CPEB3: variants seen among roughly 807,000 people sequenced by gnomAD.
CPEB3 encodes the protein cytoplasmic polyadenylation element-binding protein 3.
In CPEB3, 20 loss-of-function variants were observed where a neutral mutation model predicts 67.2. That is an observed-to-expected ratio of 0.30 (90% CI 0.21 to 0.43). The LOEUF is 0.43. Ranked by LOEUF, CPEB3 falls within the 20% of genes least tolerant of loss-of-function variation. The pLI is 1.00. For missense variants in CPEB3, 746 were observed against 968.6 expected (o/e 0.77, Z 3.05); for synonymous variants, 376 against 393.1 (o/e 0.96, Z 0.51).
At chr10:92,145,652 G>C (rs1221915596) in intron 4 of CPEB3, among the ~76,000 whole-genome samples, 1 of 144,010 alleles carries the variant, frequency 6.9e-6, no homozygotes, top group African/African-American at 2.6e-5. Context: ...AAAAAAAAAA[G>C]CATCAAAATT....
At chr10:92,267,773 T>C (rs1314377527) in intron 1 of CPEB3, among the ~76,000 whole-genome samples, 6 of 152,168 alleles carry the variant, frequency 3.9e-5, no homozygotes, top group African/African-American at 1.4e-4. Flanking sequence ...ATGGAAGGAT[T>C]CTTGAAATTT....
chr10:92,142,923 G>A (rs909854310), intron 6 of CPEB3, 106 bp downstream of exon 6: 22 of 699,202 alleles, frequency 3.1e-5, no homozygotes, highest in Non-Finnish European at 5.2e-5. Context: ...TCCTAATTGG[G>A]GGAAAAAATT....
intron 6 of CPEB3, among the ~76,000 whole-genome samples, chr10:92,123,516 C>T (rs1845483928): frequency 6.6e-6 from 1 of 152,310 alleles, no homozygotes; most frequent in African/African-American, 2.4e-5. Context: ...GATAAGTAAA[C>T]TGAGGCTTAA....
At chr10:92,078,095 A>C (rs1009455663) in intron 9 of CPEB3, among the ~76,000 whole-genome samples, 2 of 152,156 alleles carry the variant, frequency 1.3e-5, no homozygotes, top group Admixed American at 6.5e-5. Context: ...TCTCTCTTCC[A>C]GGCTTCTCAC....
chr10:92,099,757 G>A (rs541320185), intron 7 of CPEB3, among the ~76,000 whole-genome samples: 25 of 151,784 alleles, frequency 1.6e-4, no homozygotes, highest in African/African-American at 5.1e-4. Context: ...CCAGCTTCTC[G>A]GGAGGCTGAG....
chr10:92,179,970 A>G (rs750929704), intron 4 of CPEB3, among the ~76,000 whole-genome samples: 4 of 152,238 alleles, frequency 2.6e-5, no homozygotes, highest in Non-Finnish European at 5.9e-5. Context: ...GTCAGCTTGT[A>G]TATCTGGGAA....
intron 4 of CPEB3, among the ~76,000 whole-genome samples, chr10:92,165,428 T>G (rs531132792): frequency 9.2e-6 from 1 of 108,792 alleles, no homozygotes; most frequent in Non-Finnish European, 1.8e-5. Context: ...TTTTGGCTGG[T>G]GGAAGGTCTT....
intron 2 of CPEB3, among the ~76,000 whole-genome samples, chr10:92,234,038 G>A (rs1851403257): frequency 6.6e-6 from 1 of 150,612 alleles, no homozygotes; most frequent in Admixed American, 6.6e-5. Flanking sequence ...ACCCAGAGAT[G>A]GAGGTTGCAG....
rs1841861368 is a variant in CPEB3 at position 92,050,423 on chromosome 10, T to A, written c.*1789A>T. 6.6e-6 allele frequency: 1 copy of A among 152,650 alleles called. No homozygotes were observed. 9.5% of individuals were successfully genotyped at this position (152,650 alleles called of 1,614,324 possible). On this transcript the variant is annotated 3_prime_UTR_variant, in exon 10 of 10. Coordinates refer to ENST00000265997, the MANE Select transcript of CPEB3 (RefSeq NM_014912.5). ...CACAGAAAACACAGCGACTTAAATC[T>A]ATTCTGCAGTGTCATATCCAGTCAG...
chr10:92,283,634 T>C (rs1007530847), intron 1 of CPEB3, among the ~76,000 whole-genome samples: 1 of 152,060 alleles, frequency 6.6e-6, no homozygotes, highest in Non-Finnish European at 1.5e-5. Context: ...CCAGGGCAGT[T>C]CTCTGACTCA....
chr10:92,080,740 T>C lies in CPEB3; in HGVS notation c.1869+580A>G, dbSNP rs142375983. 5.3e-3 allele frequency among the ~76,000 whole-genome samples: 809 copies of C among 152,096 alleles called. 7 individuals carry two copies. Among genetic ancestry groups the C allele is most frequent in the African/African-American group, 0.019 (770 of 41,500 alleles). ...TCCTGAGTAGCTGGGACTACAGGTGTCTGCCACTACTCCCAGCTAATTTTT... is the reference window on the plus strand; with the variant it reads ...TCCTGAGTAGCTGGGACTACAGGTGCCTGCCACTACTCCCAGCTAATTTTT... On this transcript the variant is annotated intron_variant, in intron 9 of 9. Coordinates refer to ENST00000265997, the MANE Select transcript of CPEB3 (RefSeq NM_014912.5).
chr10:92,083,499 T>G (rs855714), intron 8 of CPEB3, among the ~76,000 whole-genome samples: 1,982 of 152,154 alleles, frequency 0.013, 45 homozygotes, highest in African/African-American at 0.046. Context: ...TTTGAGAATC[T>G]CCTCATACGG....
intron 9 of CPEB3, among the ~76,000 whole-genome samples, chr10:92,061,419 C>CAA (rs148327302): frequency 0.035 from 3,282 of 92,550 alleles, 78 homozygotes; most frequent in Non-Finnish European, 0.053. Context: ...AATTCTGTCT[C>CAA]AAAAAAAAAA....
intron 6 of CPEB3, among the ~76,000 whole-genome samples, chr10:92,117,947 A>G (rs1845126104): frequency 6.6e-6 from 1 of 152,184 alleles, no homozygotes; most frequent in African/African-American, 2.4e-5. Flanking sequence ...TGAAGCTTGG[A>G]GAGGTTAAGG....
intron 4 of CPEB3, among the ~76,000 whole-genome samples, chr10:92,168,052 G>A (rs891422136): frequency 3.3e-5 from 5 of 152,316 alleles, no homozygotes; most frequent in South Asian, 4.1e-4. Context: ...AGCATATGCT[G>A]TTAGAAAAAC....
At chr10:92,153,540 C>A (rs1847062119) in intron 4 of CPEB3, among the ~76,000 whole-genome samples, 1 of 152,070 alleles carries the variant, frequency 6.6e-6, no homozygotes, top group African/African-American at 2.4e-5. Flanking sequence ...AATCCCAGCA[C>A]TTTGGGAGGC....
chr10:92,170,992 A>G (rs944722249), intron 4 of CPEB3, among the ~76,000 whole-genome samples: 22 of 152,190 alleles, frequency 1.4e-4, no homozygotes, highest in African/African-American at 5.1e-4. Context: ...CCCAAATAAC[A>G]TAAGGAATAA....
chr10:92,100,856 G>A (rs1844152011), intron 7 of CPEB3, among the ~76,000 whole-genome samples: 1 of 152,182 alleles, frequency 6.6e-6, no homozygotes, highest in African/African-American at 2.4e-5. Context: ...TTCCCAAAGT[G>A]CTGGGATTAC....
At chr10:92,201,472 G>C (rs1849521224) in intron 2 of CPEB3, among the ~76,000 whole-genome samples, 1 of 152,206 alleles carries the variant, frequency 6.6e-6, no homozygotes, top group Admixed American at 6.5e-5. Flanking sequence ...ACGCTACAGT[G>C]AGTCAAGGTG....
Sources: gnomAD v4.1 joint callset for allele counts (sites outside exome capture counted in the v4.1 genomes callset) on GRCh38, gnomAD v4.1.1 for gene constraint, MANE v1.5 for transcripts, NCBI Gene and HGNC (gene_info 2026-07-23, HGNC 2026-07-21) for gene names.